The following CELF2 variants were observed in gnomAD, a reference collection of about 807,000 sequenced individuals.
CELF2 encodes the protein CUG triplet repeat RNA-binding protein 2.
Under a neutral mutation model 62.6 loss-of-function variants are expected in CELF2, and 8 were observed. The ratio of observed to expected loss-of-function variants is 0.13; its 90% CI spans 0.07 to 0.23. CELF2 has a LOEUF of 0.23. Among genes scored for constraint, CELF2 ranks in the 10% least tolerant of loss-of-function variants. The probability of loss-of-function intolerance (pLI) is 1.00; values close to 1 mark genes in which losing one functional copy is unlikely to be tolerated. For missense variants in CELF2, 333 were observed against 671.0 expected (o/e 0.50, Z 5.56); for synonymous variants, 258 against 250.0 (o/e 1.03, Z -0.30).
chr10:10,555,927 C>G, the CELF2 span, among the ~76,000 whole-genome samples: 2 of 152,132 alleles, frequency 1.3e-5, no homozygotes. Context: ...TGTATGCAGT[C>G]TTTTCTCTGG....
chr10:10,919,419 C>A (rs1025872897), intron 1 of CELF2, among the ~76,000 whole-genome samples: 9 of 152,180 alleles, frequency 5.9e-5, no homozygotes, highest in African/African-American at 2.2e-4. Context: ...ATCATAGTAT[C>A]TACCTTCAAC....
intron 1 of CELF2, among the ~76,000 whole-genome samples, chr10:10,821,666 G>A (rs963318345): frequency 1.3e-5 from 2 of 152,014 alleles, no homozygotes; most frequent in African/African-American, 4.8e-5. Flanking sequence ...TTTTTTTAAG[G>A]ATCATGTCTT....
chr10:10,481,279 T>C, the CELF2 span, among the ~76,000 whole-genome samples: 1 of 152,202 alleles, frequency 6.6e-6, no homozygotes, highest in African/African-American at 2.4e-5. Flanking sequence ...TTTATTTGCA[T>C]GCTTAATTAT....
In CELF2 at chr10:11,244,772, G is replaced by T. The variant is rs1296169476; in HGVS notation, c.355-4381G>T. Among the ~76,000 whole-genome samples the T allele has an allele frequency of 2.0e-5, 3 of 152,008 alleles. No homozygotes were observed. In the East Asian group the frequency reaches 5.8e-4, roughly 29 times the overall value. ...TAGGGCCTATTTTCTCTTATTCTGTGCCTCCAAATAAATTGTTCTTTTCCC... is the reference window on the plus strand; with the variant it reads ...TAGGGCCTATTTTCTCTTATTCTGTTCCTCCAAATAAATTGTTCTTTTCCC... On this transcript the variant is annotated intron_variant, in intron 3 of 12. Coordinates refer to ENST00000633077, the MANE Select transcript of CELF2 (RefSeq NM_001326342.2). The surrounding 1 kb of genome is among the most constrained non-coding windows in gnomAD (Gnocchi z 4.2).
At chr10:11,106,207 T>TTTTA (rs10624331) in intron 1 of CELF2, among the ~76,000 whole-genome samples, 47,466 of 139,982 alleles carry the variant, frequency 0.34, 8,498 homozygotes, top group East Asian at 0.65. Context: ...TTTTACTTTA[T>TTTTA]TTTATTTATT....
At chr10:11,033,257 ATTTT>A (rs199975812) in intron 1 of CELF2, among the ~76,000 whole-genome samples, 7,077 of 139,094 alleles carry the variant, frequency 0.051, 301 homozygotes, top group East Asian at 0.16. Context: ...TGTTCAGGGC[ATTTT>A]TTTTTTTTTT....
At chr10:11,041,793 T>G (rs1285830126) in intron 1 of CELF2, among the ~76,000 whole-genome samples, 1 of 152,178 alleles carries the variant, frequency 6.6e-6, no homozygotes, top group Non-Finnish European at 1.5e-5. Context: ...AAATCTATCA[T>G]GGAGAGTTTA....
At chr10:10,739,959 TG>T in the CELF2 span, among the ~76,000 whole-genome samples, 1 of 152,240 alleles carries the variant, frequency 6.6e-6, no homozygotes, top group Admixed American at 6.5e-5. Context: ...TATTTTTATT[TG>T]TTGTTTGTTT....
chr10:10,613,275 C>A, the CELF2 span, among the ~76,000 whole-genome samples: 7,833 of 152,130 alleles, frequency 0.051, 229 homozygotes, highest in East Asian at 0.081. Flanking sequence ...TGTTGCTTGA[C>A]AACATTATGC....
intron 11 of CELF2, among the ~76,000 whole-genome samples, chr10:11,322,474 T>A (rs184229614): frequency 6.6e-6 from 1 of 152,316 alleles, no homozygotes; most frequent in Admixed American, 6.5e-5. Flanking sequence ...CTGAATGATA[T>A]TTTTTTCTGA....
chr10:11,122,577 G>A (rs553110348), intron 1 of CELF2, among the ~76,000 whole-genome samples: 14 of 152,136 alleles, frequency 9.2e-5, no homozygotes, highest in African/African-American at 2.4e-4. Context: ...TTCATAGAGC[G>A]TATTCCAGAA....
intron 1 of CELF2, among the ~76,000 whole-genome samples, chr10:10,918,998 C>T (rs568097188): frequency 6.2e-4 from 95 of 152,206 alleles, no homozygotes; most frequent in African/African-American, 9.2e-4. Flanking sequence ...GGGCCAGGTG[C>T]GGTGGCTCAC....
chr10:10,996,674 C>T (rs2053985652), intron 2 of CELF2, among the ~76,000 whole-genome samples: 1 of 152,140 alleles, frequency 6.6e-6, no homozygotes, highest in Non-Finnish European at 1.5e-5. Flanking sequence ...TTTTATAATG[C>T]CTTTGGTGTT....
chr10:10,928,557 TACA>T lies in CELF2; in HGVS notation c.89+8562_89+8564del, dbSNP rs1433371638. ...TGTGTTGTCTGTACCATTTTTGTGC[TACA>T]ACATCACAGTTGAGTAGCTGTGGCA... On this transcript the variant is annotated intron_variant, in intron 2 of 13. Coordinates refer to the CELF2 transcript ENST00000636488. This position sits in a 1 kb window ranked among gnomAD's most constrained non-coding sequence, Gnocchi z 4.8. 1.3e-5 allele frequency among the ~76,000 whole-genome samples: 2 copies of T among 152,212 alleles called. No homozygotes were observed. Among genetic ancestry groups the T allele is most frequent in the Non-Finnish European group, 2.9e-5 (2 of 68,046 alleles).
chr10:10,992,334 G>A (rs764789714), intron 2 of CELF2, among the ~76,000 whole-genome samples: 33 of 152,194 alleles, frequency 2.2e-4, no homozygotes, highest in South Asian at 6.2e-4. Flanking sequence ...AAGGAACAGC[G>A]GATTCCCCAG....
chr10:10,780,669 C>A, the CELF2 span, among the ~76,000 whole-genome samples: 1 of 152,126 alleles, frequency 6.6e-6, no homozygotes, highest in Non-Finnish European at 1.5e-5. Flanking sequence ...TTAATAGAGA[C>A]AGGGTTTCAC....
the CELF2 span, among the ~76,000 whole-genome samples, chr10:10,497,090 C>T: frequency 5.9e-4 from 89 of 151,586 alleles, 1 homozygote; most frequent in East Asian, 0.015. Flanking sequence ...GAAGCTGAGG[C>T]AGGAGAATTG....
chr10:11,266,314 G>A (rs1027944874), intron 5 of CELF2, among the ~76,000 whole-genome samples: 19 of 151,898 alleles, frequency 1.3e-4, no homozygotes, highest in African/African-American at 4.3e-4. Context: ...TTTCAAACCC[G>A]GTGGCTAAAA....
the CELF2 span, among the ~76,000 whole-genome samples, chr10:10,546,321 A>G: frequency 6.6e-6 from 1 of 152,200 alleles, no homozygotes; most frequent in African/African-American, 2.4e-5. Context: ...TAAGGCATGT[A>G]TAAATAGCCT....
Sources: allele counts gnomAD v4.1 joint callset (sites outside exome capture counted in the v4.1 genomes callset), GRCh38; gene constraint gnomAD v4.1.1; non-coding constraint Gnocchi (gnomAD v3.1); transcripts MANE v1.5; gene names NCBI Gene and HGNC (gene_info 2026-07-23, HGNC 2026-07-21).